The following MACROD2 variants were observed in gnomAD, a reference collection of about 807,000 sequenced individuals.
MACROD2 encodes the protein mono-ADP ribosylhydrolase 2.
MACROD2 carries 36 observed loss-of-function variants against 70.4 expected under a neutral mutation model. The ratio of observed to expected loss-of-function variants is 0.51; its 90% CI spans 0.39 to 0.68. MACROD2 has a LOEUF of 0.68. Ranked by LOEUF, MACROD2 falls within the 30% of genes least tolerant of loss-of-function variation. MACROD2 has a pLI of 0.00. For synonymous variants in MACROD2, 172 were observed against 178.8 expected (o/e 0.96, Z 0.30); for missense variants, 496 against 538.4 (o/e 0.92, Z 0.78).
At chr20:15,681,065 G>T (rs2050153114) in intron 8 of MACROD2, among the ~76,000 whole-genome samples, 1 of 152,144 alleles carries the variant, frequency 6.6e-6, no homozygotes, top group African/African-American at 2.4e-5. Context: ...GTTTGAAGAC[G>T]CTCTCAAGTC....
intron 2 of MACROD2, among the ~76,000 whole-genome samples, chr20:14,044,427 G>C (rs1313308784): frequency 6.6e-6 from 1 of 152,160 alleles, no homozygotes; most frequent in East Asian, 1.9e-4. Context: ...ACCTGAGCGG[G>C]TTGCCACTGC....
intron 8 of MACROD2, among the ~76,000 whole-genome samples, chr20:15,541,343 C>T (rs933575804): frequency 6.6e-6 from 1 of 151,870 alleles, no homozygotes; most frequent in African/African-American, 2.4e-5. Context: ...AGCAGAGGAA[C>T]AGAAATTTAG....
intron 9 of MACROD2, among the ~76,000 whole-genome samples, chr20:15,867,698 C>CT (rs983665472): frequency 6.6e-6 from 1 of 151,620 alleles, no homozygotes; most frequent in Non-Finnish European, 1.5e-5. Context: ...GTCATTTTTT[C>CT]TTTTTTTTCT....
chr20:14,742,331 G>A (rs2071742657), intron 5 of MACROD2, among the ~76,000 whole-genome samples: 1 of 152,026 alleles, frequency 6.6e-6, no homozygotes. Flanking sequence ...TCTGAGAAAA[G>A]TTTTAATAAT....
intron 5 of MACROD2, among the ~76,000 whole-genome samples, chr20:14,984,253 G>C (rs1353608647): frequency 6.6e-6 from 1 of 152,168 alleles, no homozygotes; most frequent in Non-Finnish European, 1.5e-5. Context: ...TTGTAGGTAG[G>C]AGAGTACAAT....
chr20:14,698,110 C>T (rs2071147947), intron 5 of MACROD2, among the ~76,000 whole-genome samples: 1 of 152,126 alleles, frequency 6.6e-6, no homozygotes, highest in East Asian at 1.9e-4. Flanking sequence ...TGAAATGAAT[C>T]AAGTGACCTG....
intron 8 of MACROD2, among the ~76,000 whole-genome samples, chr20:15,636,510 G>A (rs2049371862): frequency 6.6e-6 from 1 of 152,076 alleles, no homozygotes; most frequent in African/African-American, 2.4e-5. Context: ...AATGGGTTCG[G>A]TTTCATGTTT....
At chr20:15,517,761 G>C (rs977381728) in intron 8 of MACROD2, among the ~76,000 whole-genome samples, 2 of 152,124 alleles carry the variant, frequency 1.3e-5, no homozygotes, top group African/African-American at 4.8e-5. Flanking sequence ...GGGTCCCTTG[G>C]CCCTCTCACT....
rs71192310 is a variant in MACROD2, at chr20:15,995,649, C to CTTT, written c.1153+8509_1153+8511dup. On this transcript the variant is annotated intron_variant, in intron 15 of 17. Coordinates refer to ENST00000684519, the MANE Select transcript of MACROD2 (RefSeq NM_001351661.2). ...ACAGGCATGAGCCACTATGCCCGGC[C>CTTT]TTTTTTTTTTTTTTTTTTTTAACTT... is the stretch of plus-strand genomic sequence containing the variant. Among the ~76,000 whole-genome samples, 349 of 85,488 alleles carry CTTT rather than the reference C, an allele frequency of 4.1e-3. 15 individuals are homozygous for CTTT. The highest frequency in any genetic ancestry group is 0.012 in the African/African-American group (283 of 23,766). 56.1% of individuals were successfully genotyped at this position (85,488 alleles called of 152,430 possible). A position where few individuals can be genotyped will look rare whatever the true frequency, so the allele number is the denominator to read the frequency against.
intron 5 of MACROD2, among the ~76,000 whole-genome samples, chr20:15,105,681 A>G (rs1327786820): frequency 3.3e-5 from 5 of 152,108 alleles, no homozygotes; most frequent in African/African-American, 4.8e-5. Context: ...GGAGCTTCTC[A>G]GTAGTTTGCT....
At chr20:15,378,698 A>C (rs2045600030) in intron 6 of MACROD2, among the ~76,000 whole-genome samples, 1 of 152,240 alleles carries the variant, frequency 6.6e-6, no homozygotes, top group South Asian at 2.1e-4. Context: ...ACACACAATC[A>C]CTTTAACAGT....
intron 3 of MACROD2, among the ~76,000 whole-genome samples, chr20:14,372,352 T>A (rs2083333148): frequency 6.7e-6 from 1 of 149,612 alleles, no homozygotes; most frequent in Admixed American, 6.7e-5. Flanking sequence ...ATCAAAATAA[T>A]AATACAGAGA....
intron 3 of MACROD2, among the ~76,000 whole-genome samples, chr20:14,125,273 A>G (rs977333960): frequency 6.6e-6 from 1 of 152,182 alleles, no homozygotes; most frequent in Non-Finnish European, 1.5e-5. Flanking sequence ...ACTAGATTTC[A>G]CTTACACTTT....
At chr20:15,207,436 GTT>G (rs548522491) in intron 5 of MACROD2, among the ~76,000 whole-genome samples, 3 of 84,566 alleles carry the variant, frequency 3.5e-5, no homozygotes, top group Non-Finnish European at 6.4e-5. Context: ...TTTGTTTCTG[GTT>G]TTTTTTTTTT....
At chr20:15,706,040 G>A (rs527485275) in intron 8 of MACROD2, among the ~76,000 whole-genome samples, 1 of 152,158 alleles carries the variant, frequency 6.6e-6, no homozygotes, top group African/African-American at 2.4e-5. Context: ...GTCAGTCTTG[G>A]TCCTAAATAG....
intron 6 of MACROD2, among the ~76,000 whole-genome samples, chr20:15,357,108 AG>A (rs1209305421): frequency 6.6e-6 from 1 of 152,062 alleles, no homozygotes; most frequent in African/African-American, 2.4e-5. Context: ...CTCATCAAAG[AG>A]TAAAAAAAAA....
chr20:14,300,758 C>T (rs1237170009), intron 3 of MACROD2, among the ~76,000 whole-genome samples: 1 of 152,112 alleles, frequency 6.6e-6, no homozygotes, highest in Non-Finnish European at 1.5e-5. Context: ...GAAGGACTTG[C>T]TTTTGATATA....
rs139762314 is a variant in MACROD2, at chr20:14,567,923, A to G, written c.301+74415A>G. 1.4e-4 allele frequency among the ~76,000 whole-genome samples: 22 copies of G among 152,202 alleles called. No homozygotes were observed. In the East Asian group the frequency reaches 4.2e-3, roughly 29 times the overall value. On this transcript the variant is annotated intron_variant, in intron 4 of 17. Coordinates refer to ENST00000684519, the MANE Select transcript of MACROD2 (RefSeq NM_001351661.2). ...ATAGGTAAGGAGAGAGAAATTATGCATTATATAGTTAAACACTGGCAAAAC... is the reference window on the plus strand; with the variant it reads ...ATAGGTAAGGAGAGAGAAATTATGCGTTATATAGTTAAACACTGGCAAAAC...
At chr20:14,344,588 G>T in intron 3 of MACROD2, among the ~76,000 whole-genome samples, 1 of 152,072 alleles carries the variant, frequency 6.6e-6, no homozygotes, top group East Asian at 1.9e-4. Flanking sequence ...ATTCATGCTG[G>T]AAATTCACAA....
Sources: allele counts gnomAD v4.1 joint callset (sites outside exome capture counted in the v4.1 genomes callset), GRCh38; gene constraint gnomAD v4.1.1; transcripts MANE v1.5; gene names NCBI Gene and HGNC (gene_info 2026-07-23, HGNC 2026-07-21).